Variants in CPEB1 observed in about 807,000 individuals in gnomAD.
CPEB1 encodes the protein cytoplasmic polyadenylation element binding protein 1.
In CPEB1, 7 loss-of-function variants were observed where a neutral mutation model predicts 65.8. That is an observed-to-expected ratio of 0.11 (90% CI 0.06 to 0.20). The LOEUF (loss-of-function observed/expected upper bound fraction) is 0.20. CPEB1 is among the 10% of genes least tolerant of loss of function. The pLI, the probability that CPEB1 is intolerant of heterozygous loss-of-function variation, is 1.00. For synonymous variants in CPEB1, 262 were observed against 260.0 expected, an observed-to-expected ratio of 1.01 and a Z score of -0.08; for missense variants, 551 against 712.2, an observed-to-expected ratio of 0.77 and a Z score of 2.58.
chr15:82,647,765 G>T (rs1326671787), upstream of CPEB1: 2 of 1,129,478 alleles, frequency 1.8e-6, no homozygotes, highest in African/African-American at 1.6e-5. Flanking sequence ...GGGGATGGGG[G>T]TACCGCGGCG....
intron 3 of CPEB1, among the ~76,000 whole-genome samples, chr15:82,597,619 G>T (rs2042764515): frequency 1.3e-5 from 2 of 152,190 alleles, no homozygotes; most frequent in Non-Finnish European, 1.5e-5. Context: ...CAATGCTTGG[G>T]AAAGGAGGAG....
At chr15:82,561,946 T>A (rs150609887) in intron 4 of CPEB1, among the ~76,000 whole-genome samples, 199 of 152,338 alleles carry the variant, frequency 1.3e-3, no homozygotes, top group African/African-American at 4.6e-3. Context: ...GTTAAGCTTC[T>A]AACAACTTAC....
intron 11 of CPEB1, 50 bp from the exon 12 acceptor site, chr15:82,546,571 C>T: frequency 1.4e-6 from 2 of 1,380,484 alleles, no homozygotes; most frequent in South Asian, 2.3e-5. Context: ...TACCAGGAGG[C>T]TCGATAGGCG....
chr15:82,566,327 G>A (rs926584716), intron 4 of CPEB1, among the ~76,000 whole-genome samples: 2 of 152,124 alleles, frequency 1.3e-5, no homozygotes, highest in Non-Finnish European at 2.9e-5. Flanking sequence ...TCCAGACCAG[G>A]AGCCATTATT....
At chr15:82,582,738 T>C (rs951729082) in intron 3 of CPEB1, among the ~76,000 whole-genome samples, 276 of 19,142 alleles carry the variant, frequency 0.014, 1 homozygote, top group African/African-American at 0.1. Flanking sequence ...CTAGGAGTTC[T>C]TTTTTTTTTT....
chr15:82,565,258 A>G (rs1006113970), intron 4 of CPEB1, among the ~76,000 whole-genome samples: 3 of 152,208 alleles, frequency 2.0e-5, no homozygotes, highest in African/African-American at 4.8e-5. Context: ...GAGTGTCTAC[A>G]GATCAAAGGA....
At chr15:82,610,915 G>T (rs1446628093) in intron 3 of CPEB1, among the ~76,000 whole-genome samples, 2 of 113,540 alleles carry the variant, frequency 1.8e-5, no homozygotes, top group Non-Finnish European at 3.3e-5. Flanking sequence ...CCAAGATCAC[G>T]CCACTGCACT....
chr15:82,564,867 C>T (rs952971131), intron 4 of CPEB1, among the ~76,000 whole-genome samples: 2 of 152,096 alleles, frequency 1.3e-5, no homozygotes, highest in Non-Finnish European at 2.9e-5. Context: ...GCAATACACT[C>T]CTACATTCAA....
At chr15:82,645,449 G>A (rs2047423834) in intron 1 of CPEB1, among the ~76,000 whole-genome samples, 1 of 151,896 alleles carries the variant, frequency 6.6e-6, no homozygotes, top group African/African-American at 2.4e-5. Flanking sequence ...CATGGGGCCG[G>A]GCCGTACTTT....
chr15:82,625,021 C>T (rs1231144168), intron 3 of CPEB1, among the ~76,000 whole-genome samples: 2 of 152,006 alleles, frequency 1.3e-5, no homozygotes, highest in Non-Finnish European at 2.9e-5. Context: ...TTTTTGTAAA[C>T]GGGGTTTCAC....
intron 3 of CPEB1, among the ~76,000 whole-genome samples, chr15:82,598,473 A>G (rs2042842472): frequency 6.6e-6 from 1 of 151,906 alleles, no homozygotes; most frequent in Admixed American, 6.6e-5. Context: ...TGAGTGACAG[A>G]GCAAAACTCT....
rs1484213981 is a variant in CPEB1, at chr15:82,544,281, T to TG, written c.*310_*311insC. 3,652 of 222,586 alleles carry TG rather than the reference T, an allele frequency of 0.016. 64 individuals are homozygous for TG. Among genetic ancestry groups the TG allele is most frequent in the Admixed American group, 0.024 (453 of 18,704 alleles). The allele number at this position is 222,586 out of a possible 1,614,324, so 13.8% of individuals were successfully genotyped here. On this transcript the variant is annotated 3_prime_UTR_variant, in exon 13 of 13. Coordinates refer to ENST00000684509, the MANE Select transcript of CPEB1 (RefSeq NM_001365242.1). ...ACCTTCTGGACACGTAGTTTTTTTTTTTTTTTTTTTTTTCCCCGCTTTTCA... is the reference window on the plus strand; with the variant it reads ...ACCTTCTGGACACGTAGTTTTTTTTTGTTTTTTTTTTTTTCCCCGCTTTTCA...
intron 4 of CPEB1, among the ~76,000 whole-genome samples, chr15:82,563,354 ATTCT>A (rs2038558693): frequency 1.2e-5 from 1 of 84,904 alleles, no homozygotes; most frequent in Non-Finnish European, 2.5e-5. Flanking sequence ...GATCATCTCT[ATTCT>A]TTTTTTTTTT....
intron 3 of CPEB1, among the ~76,000 whole-genome samples, chr15:82,574,722 CAAAAAAAAAAAA>C (rs534968367): frequency 0.017 from 899 of 53,514 alleles, 18 homozygotes; most frequent in Admixed American, 0.022. Context: ...GACTCGGTCT[CAAAAAAAAAAAA>C]AAAAAAAAAA....
chr15:82,580,529 C>T (rs2041177547), intron 3 of CPEB1, among the ~76,000 whole-genome samples: 1 of 152,068 alleles, frequency 6.6e-6, no homozygotes, highest in South Asian at 2.1e-4. Flanking sequence ...GTAAAATATA[C>T]ATGAAATTTA....
chr15:82,545,338 C>A (rs961913222), intron 12 of CPEB1, among the ~76,000 whole-genome samples: 1 of 152,210 alleles, frequency 6.6e-6, no homozygotes, highest in African/African-American at 2.4e-5. Context: ...CACTTGAGAG[C>A]CTCAGTTTAA....
At chr15:82,607,007 A>C (rs556946014) in intron 3 of CPEB1, among the ~76,000 whole-genome samples, 1 of 152,070 alleles carries the variant, frequency 6.6e-6, no homozygotes, top group South Asian at 2.1e-4. Context: ...AATGACAAGG[A>C]AATTAAAGAG....
intron 3 of CPEB1, among the ~76,000 whole-genome samples, chr15:82,597,631 G>A (rs896118586): frequency 6.6e-6 from 1 of 152,148 alleles, no homozygotes; most frequent in Non-Finnish European, 1.5e-5. Flanking sequence ...AAGGAGGAGA[G>A]ACAAGGCTCA....
intron 10 of CPEB1, 52 bp from the exon 11 acceptor site, chr15:82,547,289 CTTTTT>C (rs71156035): frequency 4.0e-3 from 1,571 of 388,542 alleles, no homozygotes; most frequent in Middle Eastern, 6.4e-3. Flanking sequence ...CCAAATGCTA[CTTTTT>C]TTTTTTTTTT....
Sources: allele counts gnomAD v4.1 joint callset (sites outside exome capture counted in the v4.1 genomes callset), GRCh38; gene constraint gnomAD v4.1.1; transcripts MANE v1.5; gene names NCBI Gene and HGNC (gene_info 2026-07-23, HGNC 2026-07-21).